The following CDC45 variants were observed in gnomAD, a reference collection of about 807,000 sequenced individuals.
The protein encoded by CDC45 is cell division control protein 45 homolog.
CDC45 carries 54 observed loss-of-function variants against 77.8 expected under a neutral mutation model. The ratio of observed to expected loss-of-function variants is 0.69; its 90% CI spans 0.56 to 0.87. CDC45 has a LOEUF of 0.87. Among genes scored for constraint, CDC45 ranks in the 40% least tolerant of loss-of-function variants. The pLI is 0.00. For synonymous variants in CDC45, 260 were observed against 272.1 expected, an observed-to-expected ratio of 0.96 and a Z score of 0.44; for missense variants, 649 against 721.6, an observed-to-expected ratio of 0.90 and a Z score of 1.15.
chr22:19,516,689 T>C, intron 16 of CDC45, 44 bp downstream of exon 16: 1 of 1,506,218 alleles, frequency 6.6e-7, no homozygotes, highest in Non-Finnish European at 9.2e-7. Context: ...GTCGGGGGTG[T>C]TGGGGTTATC....
intron 13 of CDC45, among the ~76,000 whole-genome samples, chr22:19,510,461 G>A (rs529894002): frequency 2.6e-5 from 4 of 152,206 alleles, no homozygotes; most frequent in African/African-American, 7.2e-5. Flanking sequence ...CTTTGTGACC[G>A]GGTTCTTCAC....
chr22:19,505,061 G>A (rs1288180572), intron 9 of CDC45: 1 of 396,920 alleles, frequency 2.5e-6, no homozygotes, highest in Non-Finnish European at 4.7e-6. Flanking sequence ...GTCACTTACG[G>A]AGTCTGTCAT....
Position 19,495,990 on chromosome 22 carries a change from C to A in CDC45, c.552C>A (p.Ile184=). The stretch of plus-strand genomic sequence containing the variant: ...TTTTATGTCATTACAGAAGAGACAT[C>A]CTCTTTGACTACGAGCAGTATGAAT... ...RREWEARRRD[I]LFDYEQYEYH... is the part of the protein sequence containing the mutation. The change falls in exon 7 of 19, where the codon ATC becomes ATA. Residue 184 remains isoleucine, a synonymous_variant. Transcript: ENST00000263201. 6 of 1,610,760 alleles carry A rather than the reference C, an allele frequency of 3.7e-6. No homozygotes were observed. Among genetic ancestry groups the A allele is most frequent in the Non-Finnish European group, 5.1e-6 (6 of 1,177,030 alleles).
chr22:19,510,038 A>G (rs537546678), intron 13 of CDC45, among the ~76,000 whole-genome samples: 58 of 152,276 alleles, frequency 3.8e-4, no homozygotes, highest in Admixed American at 7.2e-4. Context: ...CATAGCTCAC[A>G]GCAGCCTTGA....
At chr22:19,490,293 G>A (rs2090134220) in intron 5 of CDC45, among the ~76,000 whole-genome samples, 1 of 152,018 alleles carries the variant, frequency 6.6e-6, no homozygotes, top group Admixed American at 6.6e-5. Context: ...TTACTGACAT[G>A]TTAGGGCTTA....
intron 2 of CDC45, 149 bp downstream of exon 2, chr22:19,480,366 AGAGAGACTCGGAG>A: frequency 2.6e-6 from 2 of 758,528 alleles, no homozygotes; most frequent in Non-Finnish European, 4.6e-6. Flanking sequence ...AAGTGAGAGG[AGAGAGACTCGGAG>A]GAGAGGTTGC....
intron 5 of CDC45, among the ~76,000 whole-genome samples, chr22:19,493,646 G>A (rs1019563568): frequency 6.6e-6 from 1 of 152,112 alleles, no homozygotes; most frequent in African/African-American, 2.4e-5. Context: ...GTTTTACCAT[G>A]TTGGCCAGGC....
intron 15 of CDC45, among the ~76,000 whole-genome samples, chr22:19,515,347 G>A (rs956004500): frequency 6.6e-6 from 1 of 152,194 alleles, no homozygotes; most frequent in African/African-American, 2.4e-5. Context: ...GGGAAAGCGG[G>A]ATGGTTGTAG....
chr22:19,493,798 G>A (rs1487922922), intron 5 of CDC45, among the ~76,000 whole-genome samples: 1 of 152,132 alleles, frequency 6.6e-6, no homozygotes, highest in African/African-American at 2.4e-5. Context: ...GAATGTATGG[G>A]GAAAAACATA....
At chr22:19,506,236 G>A (rs1014444899) in intron 10 of CDC45, among the ~76,000 whole-genome samples, 5 of 152,152 alleles carry the variant, frequency 3.3e-5, no homozygotes, top group African/African-American at 4.8e-5. Flanking sequence ...GGGTGGACAC[G>A]TCAGTAGTCA....
intron 10 of CDC45, 80 bp downstream of exon 10, chr22:19,505,561 G>C (rs757302674): frequency 6.6e-7 from 1 of 1,516,842 alleles, no homozygotes. Context: ...CCCTCTGTGG[G>C]TTCTGGCCAC....
chr22:19,511,328 T>C (rs1049895523), intron 13 of CDC45, among the ~76,000 whole-genome samples: 1 of 139,960 alleles, frequency 7.1e-6, no homozygotes, highest in Non-Finnish European at 1.5e-5. Context: ...AAGTCCTTTG[T>C]CTTTTTTTTT....
In CDC45 at chr22:19,480,495, AG is replaced by A. The variant is rs147250147; in HGVS notation, c.111+279del. On this transcript the variant is annotated intron_variant, in intron 2 of 18. Coordinates refer to ENST00000263201, the MANE Select transcript of CDC45 (RefSeq NM_003504.5). ...ATTAATATTAATAGGTGAACACAGC[AG>A]TTGCATTTGGGGGAAACTTTGGATC... 4.5e-3 allele frequency among the ~76,000 whole-genome samples: 688 copies of A among 152,270 alleles called. 6 individuals are homozygous for A. Among genetic ancestry groups the A allele is most frequent in the African/African-American group, 0.016 (646 of 41,542 alleles).
chr22:19,482,711 A>C lies in CDC45; in HGVS notation c.226A>C (p.Asn76His), dbSNP rs879255632. 3 of 1,613,346 alleles carry C rather than the reference A, an allele frequency of 1.9e-6. No homozygotes were observed. The highest frequency in any genetic ancestry group is 2.5e-6 in the Non-Finnish European group (3 of 1,179,284). Residue 76 changes from asparagine (N) to histidine (H), a missense_variant, in exon 4 of 19, where the codon AAC becomes CAC. Asn to His is a moderately conservative substitution (Grantham distance 68). Transcript: ENST00000263201. ...KEQFHYFILI[N>H]CGANVDLLDI... ...TCAGTTTCATTATTTTATTCTCATA[A>C]ACTGTGGAGCTAATGTAGACCTATT... is the stretch of plus-strand genomic sequence containing the variant.
chr22:19,510,918 C>T (rs949198879), intron 13 of CDC45, among the ~76,000 whole-genome samples: 12 of 152,090 alleles, frequency 7.9e-5, no homozygotes, highest in African/African-American at 2.7e-4. Context: ...GGTTTGTTTC[C>T]ACCTATTGAC....
intron 7 of CDC45, among the ~76,000 whole-genome samples, chr22:19,496,998 C>T (rs2090254025): frequency 6.6e-6 from 1 of 152,018 alleles, no homozygotes; most frequent in South Asian, 2.1e-4. Flanking sequence ...GGATGCAGAG[C>T]CAGGCAAATG....
At chr22:19,488,550 G>T (rs2090108579) in intron 5 of CDC45, among the ~76,000 whole-genome samples, 1 of 152,152 alleles carries the variant, frequency 6.6e-6, no homozygotes, top group Non-Finnish European at 1.5e-5. Context: ...GACCAGCCTT[G>T]GAGTACCTCA....
rs1218606027 is a variant in CDC45 at position 19,483,965 on chromosome 22, A to G, written c.446A>G (p.Asp149Gly). The G allele has an allele frequency of 6.2e-7, 1 of 1,613,736 alleles. No individual in the cohort carries two copies. Among genetic ancestry groups the G allele is most frequent in the Non-Finnish European group, 8.5e-7 (1 of 1,179,966 alleles). Residue 149 changes from aspartate (D) to glycine (G), a missense_variant, in exon 5 of 19, where the codon GAT (aspartate) becomes GGT (glycine). Coordinates refer to ENST00000263201, the MANE Select transcript of CDC45 (RefSeq NM_003504.5). ...EDEEHSGNDS[D>G]GSEPSEKRTR... is the part of the protein sequence containing the mutation. Reference sequence around the variant, plus strand: ...GAAGAGCATTCAGGAAATGACAGTGATGGGTCAGAGCCTTCTGAGAAGCGC... The same window carrying G: ...GAAGAGCATTCAGGAAATGACAGTGGTGGGTCAGAGCCTTCTGAGAAGCGC...
rs1310781899 is a variant in CDC45, at chr22:19,520,604, C to G, written c.*125C>G. 1 of 152,172 alleles carries G rather than the reference C, an allele frequency of 6.6e-6. No homozygotes were observed. The highest frequency in any genetic ancestry group is 1.5e-5 in the Non-Finnish European group (1 of 68,042). The allele number at this position is 152,172 out of a possible 1,614,324, so 9.4% of individuals were successfully genotyped here. The stretch of plus-strand genomic sequence containing the variant: ...TTAAATAAAATGCTTATTTTAGGCT[C>G]CGTCCCCATTGTGGCTCTGGTCTCG... On this transcript the variant is annotated 3_prime_UTR_variant, in exon 19 of 19. Coordinates refer to ENST00000263201, the MANE Select transcript of CDC45 (RefSeq NM_003504.5). This position sits in a 1 kb window ranked among gnomAD's most constrained non-coding sequence, Gnocchi z 4.5.
Sources: allele counts gnomAD v4.1 joint callset (sites outside exome capture counted in the v4.1 genomes callset), GRCh38; gene constraint gnomAD v4.1.1; non-coding constraint Gnocchi (gnomAD v3.1); transcripts MANE v1.5; gene names NCBI Gene and HGNC (gene_info 2026-07-23, HGNC 2026-07-21).